Variants in NBDY observed in about 807,000 individuals in gnomAD.
NBDY encodes P-body dissociating protein.
intron 2 of NBDY, among the ~76,000 whole-genome samples, chrX:56,805,773 C>T (rs2069845716): frequency 1.8e-5 from 2 of 112,061 alleles, no homozygotes; most frequent in Non-Finnish European, 3.8e-5. Flanking sequence ...CACTCTCATC[C>T]TCATTGCTCA....
intron 2 of NBDY, among the ~76,000 whole-genome samples, chrX:56,753,796 G>GA (rs55974029): frequency 1.5e-3 from 157 of 108,179 alleles, no homozygotes; most frequent in African/African-American, 4.2e-3. Flanking sequence ...AGAAGGGAAG[G>GA]AAAAAAAAAC....
At chrX:56,739,409 T>C (rs2069520709) in intron 2 of NBDY, among the ~76,000 whole-genome samples, 1 of 105,157 alleles carries the variant, frequency 9.5e-6, no homozygotes, top group Non-Finnish European at 2.0e-5. Flanking sequence ...ACAAGAGATA[T>C]GCTTATTTCT....
Position 56,744,111 on chromosome X carries a change from T to A in NBDY, c.*166+11912T>A, listed in dbSNP as rs149769610. Among the ~76,000 whole-genome samples, 935 of 111,470 alleles carry A rather than the reference T, an allele frequency of 8.4e-3. 9 individuals are homozygous for A. The highest frequency in any genetic ancestry group is 0.029 in the African/African-American group (903 of 30,812). The stretch of plus-strand genomic sequence containing the variant: ...AACATACTGTTTAATTTCCAGGTAT[T>A]TGTATAGTTTCCAAAATTCTTCTTG... On this transcript the variant is annotated intron_variant, in intron 2 of 2. Transcript: ENST00000374922.
At chrX:56,742,799 T>C in intron 2 of NBDY, among the ~76,000 whole-genome samples, 1 of 111,638 alleles carries the variant, frequency 9.0e-6, no homozygotes, top group Non-Finnish European at 1.9e-5. Context: ...TCCTTTCCAA[T>C]TTGGATGCCC....
At chrX:56,781,780 G>A (rs891250222) in intron 2 of NBDY, among the ~76,000 whole-genome samples, 2 of 112,118 alleles carry the variant, frequency 1.8e-5, no homozygotes, top group African/African-American at 6.5e-5. Context: ...TGAACCCTGC[G>A]AGGAGAAGTT....
At chrX:56,782,950 C>T (rs2069703364) in intron 2 of NBDY, among the ~76,000 whole-genome samples, 1 of 112,455 alleles carries the variant, frequency 8.9e-6, no homozygotes, top group Non-Finnish European at 1.9e-5. Flanking sequence ...ACATTAAACA[C>T]GCCTAAGCGG....
At chrX:56,801,170 G>A (rs781083980) in intron 2 of NBDY, among the ~76,000 whole-genome samples, 78 of 111,507 alleles carry the variant, frequency 7.0e-4, no homozygotes, top group African/African-American at 2.4e-3. Context: ...TCCTTTCACC[G>A]GGACATCACA....
intron 2 of NBDY, among the ~76,000 whole-genome samples, chrX:56,747,110 C>T (rs73214047): frequency 0.012 from 1,291 of 111,830 alleles, 8 homozygotes; most frequent in Non-Finnish European, 0.015. Flanking sequence ...AACCTGACAC[C>T]GAGTGTGTGA....
At chrX:56,735,923 T>G (rs2069487130) in intron 2 of NBDY, among the ~76,000 whole-genome samples, 1 of 104,765 alleles carries the variant, frequency 9.5e-6, no homozygotes, top group Non-Finnish European at 2.0e-5. Context: ...TCAAGATAGG[T>G]TTAGAAAAAT....
chrX:56,752,370 G>T (rs1470930877), intron 2 of NBDY, among the ~76,000 whole-genome samples: 1 of 111,160 alleles, frequency 9.0e-6, no homozygotes, highest in Non-Finnish European at 1.9e-5. Flanking sequence ...AGTAGCTATT[G>T]TTTTTTGACT....
At chrX:56,807,562 A>T (rs1391477079) in intron 2 of NBDY, among the ~76,000 whole-genome samples, 1 of 111,006 alleles carries the variant, frequency 9.0e-6, no homozygotes, top group Non-Finnish European at 1.9e-5. Flanking sequence ...TAGGGATTTT[A>T]TTCTCTTTGT....
intron 2 of NBDY, among the ~76,000 whole-genome samples, chrX:56,795,181 G>A (rs992700753): frequency 2.7e-5 from 3 of 112,164 alleles, no homozygotes; most frequent in Admixed American, 9.4e-5. Context: ...GCTGTGCTGC[G>A]TGTGAAAGGA....
At chrX:56,791,697 A>G (rs1203105126) in intron 2 of NBDY, among the ~76,000 whole-genome samples, 1 of 111,731 alleles carries the variant, frequency 9.0e-6, no homozygotes, top group Non-Finnish European at 1.9e-5. Flanking sequence ...CCTGAACTGG[A>G]TACTTCAGGA....
intron 2 of NBDY, among the ~76,000 whole-genome samples, chrX:56,813,742 C>T (rs769128894): frequency 9.0e-6 from 1 of 111,514 alleles, no homozygotes; most frequent in Non-Finnish European, 1.9e-5. Flanking sequence ...GTAACTTGGG[C>T]GTTCCTTTGA....
intron 2 of NBDY, among the ~76,000 whole-genome samples, chrX:56,738,950 T>G (rs1045224131): frequency 3.6e-5 from 4 of 109,693 alleles, no homozygotes; most frequent in African/African-American, 6.6e-5. Flanking sequence ...CAGATTCTTC[T>G]TGGTTTCTCT....
intron 2 of NBDY, among the ~76,000 whole-genome samples, chrX:56,735,763 G>C (rs2069485490): frequency 1.8e-5 from 2 of 111,642 alleles, no homozygotes; most frequent in African/African-American, 6.5e-5. Flanking sequence ...ATAGACAAAT[G>C]CTTTTAAAGG....
At chrX:56,787,107 G>GCCAACC (rs2069733432) in intron 2 of NBDY, among the ~76,000 whole-genome samples, 2 of 111,117 alleles carry the variant, frequency 1.8e-5, no homozygotes, top group African/African-American at 6.6e-5. Context: ...CCGGATTTCA[G>GCCAACC]TGTGTGCAGG....
chrX:56,743,546 G>A (rs1375870247), intron 2 of NBDY, among the ~76,000 whole-genome samples: 1 of 110,580 alleles, frequency 9.0e-6, no homozygotes, highest in Non-Finnish European at 1.9e-5. Flanking sequence ...ATTTAGTCTA[G>A]ATTTTCCACT....
At chrX:56,738,836 G>A (rs1368194803) in intron 2 of NBDY, among the ~76,000 whole-genome samples, 1 of 111,004 alleles carries the variant, frequency 9.0e-6, no homozygotes, top group African/African-American at 3.3e-5. Context: ...TTATCTGATA[G>A]GCACTAATGA....
Sources: allele counts gnomAD v4.1 joint callset (sites outside exome capture counted in the v4.1 genomes callset), GRCh38; gene constraint gnomAD v4.1.1; transcripts MANE v1.5; gene names NCBI Gene and HGNC (gene_info 2026-07-23, HGNC 2026-07-21).